Variants in DENND2A observed in about 807,000 individuals in gnomAD.
The protein encoded by DENND2A is DENN domain-containing protein 2A.
A neutral mutation model predicts 105.3 loss-of-function variants in DENND2A; 53 were observed. The ratio of observed to expected loss-of-function variants is 0.50; its 90% CI spans 0.40 to 0.63. DENND2A has a LOEUF of 0.63. DENND2A is among the 30% of genes least tolerant of loss of function. The pLI is 0.00. For missense variants in DENND2A, 1,138 were observed against 1,279.6 expected (o/e 0.89, Z 1.69); for synonymous variants, 522 against 508.4 (o/e 1.03, Z -0.36).
chr7:140,546,852 C>T lies in DENND2A; in HGVS notation c.2125G>A (p.Ala709Thr), dbSNP rs1563130857. ...MRSVMEAPFP[A>T]LGKTILVKNF... is the part of the protein sequence containing the mutation. ...TTGACAAGGATGGTTTTGCCCAGGG[C>T]TGGGAAAGGGGCTTCCATGACACTT... Residue 709 changes from alanine to threonine, a missense_variant, in exon 13 of 20, where the codon GCC (alanine) becomes ACC (threonine). By Grantham distance (58) the Ala-to-Thr change is moderately conservative (BLOSUM62 0). Transcript: ENST00000496613. The T allele has an allele frequency of 6.2e-7, 1 of 1,614,176 alleles. No homozygotes were observed. The highest frequency in any genetic ancestry group is 2.2e-5 in the East Asian group (1 of 44,890).
chr7:140,592,238 G>C (rs571342149), intron 3 of DENND2A, among the ~76,000 whole-genome samples: 1 of 146,420 alleles, frequency 6.8e-6, no homozygotes, highest in African/African-American at 2.6e-5. Context: ...ACGGAGTCTC[G>C]CTCTGTCGCC....
intron 9 of DENND2A, among the ~76,000 whole-genome samples, chr7:140,565,440 A>C (rs1340992173): frequency 6.6e-6 from 1 of 152,178 alleles, no homozygotes; most frequent in Non-Finnish European, 1.5e-5. Flanking sequence ...GCCAAGCAGA[A>C]AATTGCTTGA....
intron 14 of DENND2A, among the ~76,000 whole-genome samples, chr7:140,529,713 T>A (rs541040232): frequency 1.6e-4 from 24 of 151,510 alleles, no homozygotes; most frequent in Admixed American, 2.0e-4. Context: ...AAACACCACA[T>A]GTTCTCACTC....
chr7:140,591,242 A>G (rs1311930942), intron 3 of DENND2A, among the ~76,000 whole-genome samples: 1 of 152,148 alleles, frequency 6.6e-6, no homozygotes, highest in African/African-American at 2.4e-5. Flanking sequence ...GGATGCAGTG[A>G]GCCAAGATCA....
intron 1 of DENND2A, among the ~76,000 whole-genome samples, chr7:140,636,879 G>C (rs534302239): frequency 6.6e-6 from 1 of 151,986 alleles, no homozygotes; most frequent in Non-Finnish European, 1.5e-5. Context: ...ATTTATTTTT[G>C]AGATGGAGTC....
Position 140,559,630 on chromosome 7 carries a change from G to T in DENND2A, c.1889+78C>A. ...TTACTTAACGGTGGGAATGACTCAT[G>T]TGGTCTGCCACCTGTAACCCCGTCT... On this transcript the variant is annotated intron_variant, in intron 10 of 19. Coordinates refer to ENST00000496613, the MANE Select transcript of DENND2A (RefSeq NM_015689.5). This position sits in a 1 kb window ranked among gnomAD's most constrained non-coding sequence, Gnocchi z 4.1. 1 of 1,020,592 alleles carries T rather than the reference G, an allele frequency of 9.8e-7. No individual in the cohort carries two copies. The highest frequency in any genetic ancestry group is 1.5e-6 in the Non-Finnish European group (1 of 657,236). The allele number at this position is 1,020,592 out of a possible 1,614,324, so 63.2% of individuals were successfully genotyped here.
chr7:140,536,851 C>T (rs150490332), intron 14 of DENND2A, among the ~76,000 whole-genome samples: 3,230 of 152,066 alleles, frequency 0.021, 118 homozygotes, highest in African/African-American at 0.074. Context: ...TTAGTACAGA[C>T]GGGGTTTCAC....
intron 5 of DENND2A, among the ~76,000 whole-genome samples, chr7:140,583,468 G>A (rs1403739146): frequency 6.7e-6 from 1 of 150,128 alleles, no homozygotes; most frequent in Admixed American, 6.6e-5. Flanking sequence ...ATGGGGAGAG[G>A]TCCCGGTAAG....
chr7:140,601,625 G>C lies in DENND2A; in HGVS notation c.773C>G (p.Pro258Arg). ...CAGAGGGTTGATGAAGGGCTTTGTGGGGGAACCCTCCGAGCCCCTATACAC... is the reference window on the plus strand; with the variant it reads ...CAGAGGGTTGATGAAGGGCTTTGTGCGGGAACCCTCCGAGCCCCTATACAC... ...ENVYRGSEGS[P>R]TKPFINPLPK... The change falls in exon 3 of 20, where the codon CCC becomes CGC. Residue 258 changes from proline to arginine, a missense_variant. By Grantham distance (103) the Pro-to-Arg change is moderately radical. Around this residue, in one of 2 missense-constraint regions of DENND2A, gnomAD observed 511 missense variants for 499.9 expected, o/e 1.02. Coordinates refer to ENST00000496613, the MANE Select transcript of DENND2A (RefSeq NM_015689.5). 6.2e-7 allele frequency: 1 copy of C among 1,613,404 alleles called. No homozygotes were observed. The highest frequency in any genetic ancestry group is 8.5e-7 in the Non-Finnish European group (1 of 1,179,606).
intron 13 of DENND2A, among the ~76,000 whole-genome samples, chr7:140,545,656 C>T (rs974705244): frequency 2.6e-5 from 4 of 152,306 alleles, no homozygotes; most frequent in Middle Eastern, 3.4e-3. Flanking sequence ...TGTGAGCCAC[C>T]GTGTACCCAG....
At chr7:140,586,363 G>GAA (rs1199042132) in intron 4 of DENND2A, among the ~76,000 whole-genome samples, 169 of 117,676 alleles carry the variant, frequency 1.4e-3, no homozygotes, top group African/African-American at 6.3e-3. Flanking sequence ...TCCTAAAAAA[G>GAA]AAAACACACA....
In DENND2A at chr7:140,616,662, C is replaced by T. The variant is rs188264954; in HGVS notation, c.-247-10856G>A. On this transcript the variant is annotated intron_variant, in intron 1 of 19. Coordinates refer to ENST00000496613, the MANE Select transcript of DENND2A (RefSeq NM_015689.5). ...GGGACAATTACTAAAAGTGAGGAGT[C>T]CTGGACCCACCCTAGACCAAACAAA... Among the ~76,000 whole-genome samples the T allele has an allele frequency of 6.6e-5, 10 of 152,072 alleles. No individual in the cohort carries two copies. The East Asian group carries it at 1.2e-3, about 18-fold the overall frequency.
intron 1 of DENND2A, among the ~76,000 whole-genome samples, chr7:140,617,658 G>A (rs948486989): frequency 6.6e-6 from 1 of 152,124 alleles, no homozygotes; most frequent in East Asian, 1.9e-4. Flanking sequence ...AGGTTGTAGT[G>A]AGCCAAGATC....
chr7:140,569,666 T>C lies in DENND2A; in HGVS notation c.1519A>G (p.Met507Val). Residue 507 changes from methionine to valine, a missense_variant, in exon 7 of 20, where the codon ATG becomes GTG. Around this residue, in one of 2 missense-constraint regions of DENND2A, gnomAD observed 627 missense variants for 779.8 expected, o/e 0.80. Coordinates refer to ENST00000496613, the MANE Select transcript of DENND2A (RefSeq NM_015689.5). ...KKRVKRLSQS[M>V]ESNSGKVTDE... Reference sequence around the variant, plus strand: ...CTACCTTTTCCTGAGTTGCTCTCCATTGACTGGGACAGCCTCTTCACCCGT... The same window carrying C: ...CTACCTTTTCCTGAGTTGCTCTCCACTGACTGGGACAGCCTCTTCACCCGT... The C allele has an allele frequency of 6.2e-7, 1 of 1,613,320 alleles. No homozygotes were observed.
chr7:140,620,755 AG>A (rs1800259681), intron 1 of DENND2A, among the ~76,000 whole-genome samples: 1 of 152,174 alleles, frequency 6.6e-6, no homozygotes, highest in Admixed American at 6.6e-5. Context: ...GGGAAGGCTA[AG>A]TGATACTTTA....
chr7:140,597,805 G>A (rs1226372895), intron 3 of DENND2A, among the ~76,000 whole-genome samples: 1 of 152,208 alleles, frequency 6.6e-6, no homozygotes, highest in Non-Finnish European at 1.5e-5. Flanking sequence ...AAGGGCTGCT[G>A]TGGGAAGCAC....
At chr7:140,609,059 A>G (rs1240278736) in intron 1 of DENND2A, among the ~76,000 whole-genome samples, 2 of 152,340 alleles carry the variant, frequency 1.3e-5, no homozygotes, top group South Asian at 2.1e-4. Flanking sequence ...ACACAACCCA[A>G]GGTTCCTTAT....
At chr7:140,532,917 C>T (rs1265244513) in intron 14 of DENND2A, among the ~76,000 whole-genome samples, 2 of 151,308 alleles carry the variant, frequency 1.3e-5, no homozygotes, top group Admixed American at 6.6e-5. Context: ...GTTTTTTTTC[C>T]CAATCATTGC....
Position 140,617,147 on chromosome 7 carries a change from T to C in DENND2A, c.-247-11341A>G, listed in dbSNP as rs143515218. Among the ~76,000 whole-genome samples the C allele has an allele frequency of 5.7e-3, 861 of 152,306 alleles. 2 individuals carry two copies. The highest frequency in any genetic ancestry group is 0.034 in the Middle Eastern group (10 of 294). ...TGCTGGGATTACAGGCGTGAACCACTGTGCACAGCCTGTAAGGCAGTATTT... is the reference window on the plus strand; with the variant it reads ...TGCTGGGATTACAGGCGTGAACCACCGTGCACAGCCTGTAAGGCAGTATTT... On this transcript the variant is annotated intron_variant, in intron 1 of 19. Transcript: ENST00000496613.
Sources: gnomAD v4.1 joint callset for allele counts (sites outside exome capture counted in the v4.1 genomes callset) on GRCh38, gnomAD v4.1.1 for gene constraint, gnomAD v4.1.1 regional missense constraint, Gnocchi (gnomAD v3.1) non-coding constraint, MANE v1.5 for transcripts, NCBI Gene and HGNC (gene_info 2026-07-23, HGNC 2026-07-21) for gene names.